ENOX2: variants seen among roughly 807,000 people sequenced by gnomAD.
The protein encoded by ENOX2 is ecto-NOX disulfide-thiol exchanger 2.
Under a neutral mutation model 45.0 loss-of-function variants are expected in ENOX2, and 36 were observed. The ratio of observed to expected loss-of-function variants is 0.80; its 90% confidence interval spans 0.61 to 1.06. The LOEUF is 1.06. ENOX2 is among the 50% of genes least tolerant of loss of function. The pLI is 0.00. For synonymous variants in ENOX2, 174 were observed against 152.3 expected (o/e 1.14, Z -1.05); for missense variants, 423 against 462.5 (o/e 0.91, Z 0.78).
At chrX:130,631,642 T>A in intron 12 of ENOX2, 66 bp from the exon 13 acceptor site, 1 of 590,182 alleles carries the variant, frequency 1.7e-6, no homozygotes, top group Non-Finnish European at 2.9e-6. Flanking sequence ...TTCAATTAAC[T>A]ACACAACAGG....
At chrX:130,677,015 A>G (rs988765565) in intron 6 of ENOX2, among the ~76,000 whole-genome samples, 25 of 112,137 alleles carry the variant, frequency 2.2e-4, no homozygotes, top group Non-Finnish European at 4.3e-4. Flanking sequence ...TACTTAGTAA[A>G]CAAACCACTA....
intron 4 of ENOX2, among the ~76,000 whole-genome samples, chrX:130,700,625 T>C (rs764259757): frequency 1.4e-3 from 158 of 112,281 alleles, no homozygotes; most frequent in Non-Finnish European, 2.6e-3. Context: ...AGAATGTATG[T>C]TAGTACTTCC....
chrX:130,777,696 G>C (rs1195363001), intron 3 of ENOX2, among the ~76,000 whole-genome samples: 1 of 111,418 alleles, frequency 9.0e-6, no homozygotes, highest in East Asian at 2.8e-4. Context: ...GGCAACTTAA[G>C]AGAGATGTAT....
intron 3 of ENOX2, among the ~76,000 whole-genome samples, chrX:130,726,151 C>T (rs1603328635): frequency 8.9e-6 from 1 of 112,269 alleles, no homozygotes; most frequent in Middle Eastern, 4.7e-3. Flanking sequence ...TGGCATGTTA[C>T]ATAGTAGCTC....
intron 2 of ENOX2, among the ~76,000 whole-genome samples, chrX:130,846,191 G>A (rs920854910): frequency 7.2e-5 from 8 of 111,299 alleles, no homozygotes; most frequent in African/African-American, 2.3e-4. Context: ...CTAACAAAGG[G>A]GTCAGTCTTT....
intron 2 of ENOX2, among the ~76,000 whole-genome samples, chrX:130,793,107 G>A (rs2077069228): frequency 8.9e-6 from 1 of 112,250 alleles, no homozygotes; most frequent in African/African-American, 3.2e-5. Flanking sequence ...TTGTAAAATG[G>A]GGATGATAAT....
At chrX:130,753,837 T>A (rs2039285743) in intron 3 of ENOX2, among the ~76,000 whole-genome samples, 1 of 111,454 alleles carries the variant, frequency 9.0e-6, no homozygotes, top group Admixed American at 9.6e-5. Flanking sequence ...CAGGCAACTC[T>A]TTGATATACT....
chrX:130,848,542 AAAAC>A (rs1284020006), intron 2 of ENOX2, among the ~76,000 whole-genome samples: 5 of 112,200 alleles, frequency 4.5e-5, no homozygotes, highest in African/African-American at 1.6e-4. Context: ...ATAAACCAGA[AAAAC>A]AAACAAAATC....
chrX:130,753,015 G>A (rs978115532), intron 3 of ENOX2, among the ~76,000 whole-genome samples: 2 of 110,137 alleles, frequency 1.8e-5, no homozygotes, highest in South Asian at 3.9e-4. Context: ...TGCAATACCC[G>A]CAACACCCCA....
chrX:130,894,355 TA>T (rs1312204461), intron 2 of ENOX2, among the ~76,000 whole-genome samples: 34 of 80,811 alleles, frequency 4.2e-4, no homozygotes, highest in African/African-American at 1.4e-3. Flanking sequence ...AAGTAAAATT[TA>T]AAAAAAAAAG....
At chrX:130,782,249 T>C (rs1201673955) in intron 3 of ENOX2, among the ~76,000 whole-genome samples, 5 of 112,208 alleles carry the variant, frequency 4.5e-5, no homozygotes, top group Non-Finnish European at 7.5e-5. Flanking sequence ...GATTACTGTA[T>C]GCAGACACCA....
chrX:130,688,453 A>G (rs148999478), intron 5 of ENOX2, among the ~76,000 whole-genome samples: 179 of 112,180 alleles, frequency 1.6e-3, no homozygotes, highest in African/African-American at 5.8e-3. Context: ...ATGTATGAAT[A>G]GTTGCTAGCA....
In ENOX2 at chrX:130,682,020, C is replaced by A. The variant is rs909336434; in HGVS notation, c.254-2272G>T. On this transcript the variant is annotated intron_variant, in intron 5 of 14. Transcript: ENST00000394363. ...GGCTTTGACCATGGAACACAACCCCCCCCCCCACCGACTATATAAGGTAAA... is the reference window on the plus strand; with the variant it reads ...GGCTTTGACCATGGAACACAACCCCACCCCCCACCGACTATATAAGGTAAA... Among the ~76,000 whole-genome samples, 4 of 107,599 alleles carry A rather than the reference C, an allele frequency of 3.7e-5. No individual in the cohort carries two copies. The Admixed American group carries it at 4.0e-4, about 11-fold the overall frequency. The allele number at this position is 107,599 out of a possible 115,157, so 93.4% of individuals were successfully genotyped here.
chrX:130,766,507 T>C (rs2039622197), intron 3 of ENOX2, among the ~76,000 whole-genome samples: 1 of 112,310 alleles, frequency 8.9e-6, no homozygotes, highest in Non-Finnish European at 1.9e-5. Flanking sequence ...TTTTGTGCCT[T>C]AACACATCTT....
Position 130,822,559 on chromosome X carries a change from T to C in ENOX2, c.-182-38869A>G, listed in dbSNP as rs1160902202. ...ACCAAACACCGCATGTTCTCACTCC[T>C]AGGTGGGAACTGAACAATGAGAACA... On this transcript the variant is annotated intron_variant, in intron 2 of 14. Transcript: ENST00000394363. 3.6e-5 allele frequency among the ~76,000 whole-genome samples: 4 copies of C among 109,868 alleles called. No individual in the cohort carries two copies. In the East Asian group the frequency reaches 1.1e-3, roughly 31 times the overall value.
intron 2 of ENOX2, among the ~76,000 whole-genome samples, chrX:130,804,604 TCTTC>T (rs776025638): frequency 8.9e-6 from 1 of 111,765 alleles, no homozygotes; most frequent in Non-Finnish European, 1.9e-5. Context: ...TTCTTCCTTC[TCTTC>T]CTTCCCATTA....
chrX:130,681,966 G>C (rs997455514), intron 5 of ENOX2, among the ~76,000 whole-genome samples: 3 of 108,657 alleles, frequency 2.8e-5, no homozygotes, highest in African/African-American at 1.0e-4. Flanking sequence ...CATATGGATA[G>C]AGAAATCTAC....
intron 5 of ENOX2, among the ~76,000 whole-genome samples, chrX:130,682,768 T>C (rs1001260028): frequency 9.0e-6 from 1 of 110,742 alleles, no homozygotes; most frequent in African/African-American, 3.3e-5. Flanking sequence ...AAAGCCTCTT[T>C]AATAGCATTT....
At chrX:130,682,040 G>C (rs974046875) in intron 5 of ENOX2, among the ~76,000 whole-genome samples, 1 of 106,828 alleles carries the variant, frequency 9.4e-6, no homozygotes. Flanking sequence ...GACTATATAA[G>C]GTAAAGAATT....
Sources: gnomAD v4.1 joint callset for allele counts (sites outside exome capture counted in the v4.1 genomes callset) on GRCh38, gnomAD v4.1.1 for gene constraint, MANE v1.5 for transcripts, NCBI Gene and HGNC (gene_info 2026-07-23, HGNC 2026-07-21) for gene names.